LMF1: variants seen among roughly 807,000 people sequenced by gnomAD.
LMF1 encodes the protein lipase maturation factor 1.
In LMF1, 68 loss-of-function variants were observed where a neutral mutation model predicts 60.6. That is an observed-to-expected ratio of 1.12 (90% CI 0.92 to 1.37). LMF1 has a LOEUF of 1.37. LMF1 is among the 40% of genes most tolerant of loss of function. The pLI is 0.00. For synonymous variants in LMF1, 418 were observed against 324.7 expected, an observed-to-expected ratio of 1.29 and a Z score of -3.09; for missense variants, 948 against 767.2, an observed-to-expected ratio of 1.24 and a Z score of -2.78.
intron 6 of LMF1, among the ~76,000 whole-genome samples, chr16:876,577 GCA>G (rs1316470070): frequency 6.6e-6 from 1 of 152,220 alleles, no homozygotes; most frequent in Non-Finnish European, 1.5e-5. Flanking sequence ...TGTAGTCTCT[GCA>G]CAGTTTTTCC....
chr16:913,866 C>A (rs561947834), intron 3 of LMF1, among the ~76,000 whole-genome samples: 1 of 152,214 alleles, frequency 6.6e-6, no homozygotes, highest in Non-Finnish European at 1.5e-5. Context: ...AGGCACATGG[C>A]GAGGCCAGGG....
At position 948,044 on chromosome 16, in the gene LMF1, C is replaced by CCAATGACAGAGTCAGAGA. The variant is rs2072291971; in HGVS notation, c.503+6312_503+6313insTCTCTGACTCTGTCATTG. ...GAGTCAGAGACAACGACAGAGTCAGCCAATGACAGAGTCAGCCAACGACAG... is the reference window on the plus strand; with the variant it reads ...GAGTCAGAGACAACGACAGAGTCAGCCAATGACAGAGTCAGAGACAATGACAGAGTCAGCCAACGACAG... On this transcript the variant is annotated intron_variant, in intron 2 of 10. Transcript: ENST00000262301. Among the ~76,000 whole-genome samples the CCAATGACAGAGTCAGAGA allele has an allele frequency of 4.3e-5, 6 of 139,756 alleles. No homozygotes were observed. The Admixed American group carries it at 4.3e-4, about 10-fold the overall frequency. 91.7% of individuals were successfully genotyped at this position (139,756 alleles called of 152,430 possible). A position where few individuals can be genotyped will look rare whatever the true frequency, so the allele number is the denominator to read the frequency against.
chr16:954,667 C>A lies in LMF1; in HGVS notation c.194-1G>T. The stretch of plus-strand genomic sequence containing the variant: ...TGGAAAGCCACCAGGAATGCCACGA[C>A]TGGAAGAAAAAGAAGACAAAACAAG... On this transcript the variant is annotated splice_acceptor_variant, in intron 1 of 10. Coordinates refer to ENST00000262301, the MANE Select transcript of LMF1 (RefSeq NM_022773.4). LOFTEE classifies it high-confidence loss of function. The A allele has an allele frequency of 6.3e-7, 1 of 1,583,826 alleles. No individual in the cohort carries two copies. Among genetic ancestry groups the A allele is most frequent in the Non-Finnish European group, 8.6e-7 (1 of 1,164,292 alleles).
In LMF1 at chr16:853,783, G is replaced by C. The variant is rs1380430590; in HGVS notation, c.*749C>G. The stretch of plus-strand genomic sequence containing the variant: ...GCACGGCCGGCTGTCCTCCGATTGA[G>C]GGGCCTTGTCAAGGCCTCAGAGGCA... On this transcript the variant is annotated 3_prime_UTR_variant, in exon 11 of 11. Coordinates refer to ENST00000262301, the MANE Select transcript of LMF1 (RefSeq NM_022773.4). The C allele has an allele frequency of 2.2e-6, 1 of 454,034 alleles. No homozygotes were observed. Among genetic ancestry groups the C allele is most frequent in the African/African-American group, 2.0e-5 (1 of 50,012 alleles). The allele number at this position is 454,034 out of a possible 1,614,324, so 28.1% of individuals were successfully genotyped here.
chr16:972,874 A>G (rs1045861024), upstream of LMF1, among the ~76,000 whole-genome samples: 1 of 152,180 alleles, frequency 6.6e-6, no homozygotes, highest in Non-Finnish European at 1.5e-5. Context: ...TCTGAGCTCA[A>G]GTTTCCCTCA....
At chr16:924,480 GA>G (rs1273688189) in intron 3 of LMF1, among the ~76,000 whole-genome samples, 3 of 152,160 alleles carry the variant, frequency 2.0e-5, no homozygotes, top group Non-Finnish European at 4.4e-5. Flanking sequence ...TCAAAGTTGA[GA>G]AACAAAAGGC....
At chr16:883,152 T>C (rs1426858581) in intron 5 of LMF1, among the ~76,000 whole-genome samples, 18 of 104,252 alleles carry the variant, frequency 1.7e-4, no homozygotes, top group Admixed American at 4.0e-4. Flanking sequence ...GAGGAGCTGC[T>C]CAGCAGAGCC....
At chr16:866,234 A>C (rs2069605581) in intron 10 of LMF1, among the ~76,000 whole-genome samples, 1 of 152,232 alleles carries the variant, frequency 6.6e-6, no homozygotes, top group African/African-American at 2.4e-5. Flanking sequence ...CTTCTGCTTT[A>C]GATGACTTCT....
chr16:970,610 G>A (rs1213423528), intron 1 of LMF1, among the ~76,000 whole-genome samples, 178 bp downstream of exon 1: 1 of 152,180 alleles, frequency 6.6e-6, no homozygotes, highest in Non-Finnish European at 1.5e-5. Flanking sequence ...CGGGTGCGCT[G>A]TCGCCAGCAA....
At chr16:981,355 T>C (rs748755405), upstream of LMF1, 12 of 198,510 alleles carry the variant, frequency 6.0e-5, no homozygotes, top group Admixed American at 5.2e-4. Flanking sequence ...AGAGTGTGTG[T>C]GTGTGTGTGT....
upstream of LMF1, among the ~76,000 whole-genome samples, chr16:974,341 G>C (rs938612545): frequency 2.6e-5 from 4 of 152,128 alleles, no homozygotes; most frequent in Admixed American, 2.0e-4. Flanking sequence ...GCCCTGCCCT[G>C]AGCGCCTCAC....
At chr16:913,242 G>A (rs930383771) in intron 3 of LMF1, among the ~76,000 whole-genome samples, 2 of 152,228 alleles carry the variant, frequency 1.3e-5, no homozygotes, top group Non-Finnish European at 2.9e-5. Flanking sequence ...TGCTGTGCTG[G>A]GCCTTCCGGG....
At chr16:906,597 C>T (rs533974576) in intron 4 of LMF1, among the ~76,000 whole-genome samples, 6 of 152,162 alleles carry the variant, frequency 3.9e-5, no homozygotes, top group Middle Eastern at 3.4e-3. Flanking sequence ...GACTTGTGAT[C>T]GTGGAGTTAA....
chr16:859,039 G>A (rs1287357034), intron 10 of LMF1, among the ~76,000 whole-genome samples: 1 of 97,832 alleles, frequency 1.0e-5, no homozygotes, highest in African/African-American at 5.2e-5. Flanking sequence ...GGGTGTGAGT[G>A]ATGTCACGGG....
intron 1 of LMF1, among the ~76,000 whole-genome samples, chr16:963,071 G>T (rs1000648588): frequency 2.0e-5 from 3 of 152,004 alleles, no homozygotes; most frequent in African/African-American, 7.3e-5. Context: ...TGGACACAGG[G>T]TAAACAAAGG....
intron 2 of LMF1, among the ~76,000 whole-genome samples, chr16:944,314 C>T (rs531377580): frequency 5.3e-5 from 8 of 152,218 alleles, no homozygotes; most frequent in Non-Finnish European, 1.2e-4. Flanking sequence ...TCTCACTCTC[C>T]ACGTTCACAG....
intron 3 of LMF1, among the ~76,000 whole-genome samples, chr16:926,167 C>A (rs562701670): frequency 1.4e-4 from 21 of 149,478 alleles, no homozygotes; most frequent in African/African-American, 4.7e-4. Flanking sequence ...TATGTGCATA[C>A]GCGTGTGCAC....
intron 2 of LMF1, among the ~76,000 whole-genome samples, chr16:940,963 T>C (rs1221259217): frequency 6.6e-6 from 1 of 152,238 alleles, no homozygotes; most frequent in African/African-American, 2.4e-5. Flanking sequence ...TTTTGCTTCA[T>C]ATATTGTGAG....
At chr16:890,210 T>C (rs1053436714) in intron 5 of LMF1, among the ~76,000 whole-genome samples, 1 of 152,038 alleles carries the variant, frequency 6.6e-6, no homozygotes, top group Non-Finnish European at 1.5e-5. Context: ...GTCACGGCGG[T>C]CCACCTGCTG....
Sources: allele counts gnomAD v4.1 joint callset (sites outside exome capture counted in the v4.1 genomes callset), GRCh38; gene constraint gnomAD v4.1.1; transcripts MANE v1.5; gene names NCBI Gene and HGNC (gene_info 2026-07-23, HGNC 2026-07-21).